The following SNX24 variants were observed in gnomAD, a reference collection of about 807,000 sequenced individuals.
SNX24 encodes the protein sorting nexin 24.
A neutral mutation model predicts 28.7 loss-of-function variants in SNX24; 22 were observed. The ratio of observed to expected loss-of-function variants is 0.77; its 90% CI spans 0.55 to 1.10. The LOEUF is 1.10. SNX24 is among the 50% of genes least tolerant of loss of function. The pLI, the probability that SNX24 is intolerant of heterozygous loss-of-function variation, is 0.00. For missense variants in SNX24, 221 were observed against 201.1 expected (o/e 1.10, Z -0.60); for synonymous variants, 69 against 71.5 (o/e 0.96, Z 0.18).
intron 1 of SNX24, among the ~76,000 whole-genome samples, chr5:122,867,783 T>C (rs116499061): frequency 2.1e-3 from 316 of 152,298 alleles, no homozygotes; most frequent in African/African-American, 7.3e-3. Context: ...ACCTTCACAG[T>C]TTTTTGTCAT....
At chr5:122,938,110 A>G (rs948037945) in intron 2 of SNX24, among the ~76,000 whole-genome samples, 1 of 151,892 alleles carries the variant, frequency 6.6e-6, no homozygotes, top group Non-Finnish European at 1.5e-5. Flanking sequence ...GCCCAGCTGT[A>G]CTCTCCGGAT....
At chr5:122,989,099 G>T (rs1043952498) in intron 3 of SNX24, among the ~76,000 whole-genome samples, 1 of 151,420 alleles carries the variant, frequency 6.6e-6, no homozygotes, top group African/African-American at 2.4e-5. Context: ...TGTTCTATGG[G>T]CCAAAAACAG....
At chr5:122,882,777 T>C in intron 1 of SNX24, among the ~76,000 whole-genome samples, 1 of 152,214 alleles carries the variant, frequency 6.6e-6, no homozygotes, top group East Asian at 1.9e-4. Flanking sequence ...AATCTCTGTC[T>C]GTAAATGTCA....
At chr5:122,860,934 C>T (rs1192589384) in intron 1 of SNX24, among the ~76,000 whole-genome samples, 1 of 152,060 alleles carries the variant, frequency 6.6e-6, no homozygotes, top group African/African-American at 2.4e-5. Context: ...AATTATCTAT[C>T]ATAGTAGGAA....
chr5:122,930,741 G>A (rs1436145729), intron 1 of SNX24, among the ~76,000 whole-genome samples: 1 of 152,042 alleles, frequency 6.6e-6, no homozygotes, highest in Non-Finnish European at 1.5e-5. Flanking sequence ...TGATCTTCCT[G>A]ACGTTCTTTT....
intron 3 of SNX24, among the ~76,000 whole-genome samples, chr5:122,969,736 A>G (rs1420872018): frequency 6.6e-6 from 1 of 152,180 alleles, no homozygotes; most frequent in African/African-American, 2.4e-5. Context: ...TTATTATTTT[A>G]AAACATTCAC....
chr5:122,860,697 C>T (rs748526057), intron 1 of SNX24, among the ~76,000 whole-genome samples: 17 of 152,174 alleles, frequency 1.1e-4, no homozygotes, highest in East Asian at 1.9e-4. Flanking sequence ...CCCGGGTTCA[C>T]GCCATTCTCC....
rs1208957335 is a variant in SNX24, at chr5:122,912,274, C to G, written c.61-24460C>G. Among the ~76,000 whole-genome samples the G allele has an allele frequency of 2.2e-5, 3 of 138,882 alleles. 1 individual carries two copies. Among genetic ancestry groups the G allele is most frequent in the Non-Finnish European group, 4.6e-5 (3 of 65,604 alleles). 91.1% of individuals were successfully genotyped at this position (138,882 alleles called of 152,430 possible). On this transcript the variant is annotated intron_variant, in intron 1 of 6. Transcript: ENST00000261369. ...ACTCACGATTTGGCTCTCTGTTTGT[C>G]TGTTATTGGTGTATAAGAATGCTTG...
At chr5:123,004,175 C>G (rs1762344546) in intron 6 of SNX24, among the ~76,000 whole-genome samples, 1 of 152,196 alleles carries the variant, frequency 6.6e-6, no homozygotes, top group Admixed American at 6.5e-5. Context: ...GACATTTAAG[C>G]ATTATCCTCT....
At chr5:122,984,723 T>C (rs1170582833) in intron 3 of SNX24, among the ~76,000 whole-genome samples, 1 of 152,202 alleles carries the variant, frequency 6.6e-6, no homozygotes, top group Non-Finnish European at 1.5e-5. Context: ...ACAGATTGCT[T>C]TAGTGAGTAG....
At chr5:122,849,943 T>C (rs1182849077) in intron 1 of SNX24, among the ~76,000 whole-genome samples, 1 of 151,922 alleles carries the variant, frequency 6.6e-6, no homozygotes, top group African/African-American at 2.4e-5. Context: ...AGGTGGAGGG[T>C]TGTGCTGCAG....
chr5:122,959,777 T>C (rs39821), intron 3 of SNX24, among the ~76,000 whole-genome samples: 123,311 of 151,942 alleles, frequency 0.81, 50,926 homozygotes, highest in East Asian at 0.99. Flanking sequence ...CGGGGTTCAT[T>C]ATCTCATGCC....
chr5:122,980,996 T>A (rs898314742), intron 3 of SNX24, among the ~76,000 whole-genome samples: 8 of 152,096 alleles, frequency 5.3e-5, no homozygotes, highest in Non-Finnish European at 1.0e-4. Context: ...AAGCTTAAAG[T>A]GCAGATGATA....
intron 3 of SNX24, among the ~76,000 whole-genome samples, chr5:122,984,867 T>A (rs963290490): frequency 1.4e-4 from 22 of 152,206 alleles, no homozygotes; most frequent in Admixed American, 1.2e-3. Context: ...ATTAACCTAA[T>A]TTTTAGCCTG....
chr5:122,866,181 G>T (rs112990530), intron 1 of SNX24, among the ~76,000 whole-genome samples: 2,166 of 152,246 alleles, frequency 0.014, 29 homozygotes, highest in Middle Eastern at 0.027. Flanking sequence ...CAAGAGTCTT[G>T]CTCTGTCACC....
intron 1 of SNX24, among the ~76,000 whole-genome samples, chr5:122,869,431 T>G (rs1755878539): frequency 6.6e-6 from 1 of 152,244 alleles, no homozygotes; most frequent in Non-Finnish European, 1.5e-5. Context: ...TTAGTGTACA[T>G]TTGATTTATA....
At chr5:122,913,925 C>A (rs1262269486) in intron 1 of SNX24, among the ~76,000 whole-genome samples, 1 of 152,212 alleles carries the variant, frequency 6.6e-6, no homozygotes, top group Non-Finnish European at 1.5e-5. Context: ...CCGGCCAACA[C>A]AGGGAAACCC....
chr5:122,993,298 T>C (rs1210643623), intron 3 of SNX24, among the ~76,000 whole-genome samples: 1 of 46,892 alleles, frequency 2.1e-5, no homozygotes, highest in African/African-American at 1.1e-4. Flanking sequence ...AGTGGCTGCC[T>C]TTTTTTTTTT....
intron 3 of SNX24, among the ~76,000 whole-genome samples, chr5:122,967,276 C>T (rs1017098540): frequency 3.3e-5 from 5 of 152,192 alleles, no homozygotes; most frequent in African/African-American, 1.2e-4. Context: ...TATTGGAAGT[C>T]GGTCTGCCTA....
Sources: allele counts gnomAD v4.1 joint callset (sites outside exome capture counted in the v4.1 genomes callset), GRCh38; gene constraint gnomAD v4.1.1; transcripts MANE v1.5; gene names NCBI Gene and HGNC (gene_info 2026-07-23, HGNC 2026-07-21).